Variants in CNOT2 observed in about 807,000 individuals in gnomAD.
CNOT2 encodes the protein CC chemokine receptor 4-negative regulator of transcription 2.
A neutral mutation model predicts 72.1 loss-of-function variants in CNOT2; 7 were observed. The observed-to-expected ratio is 0.10, with a 90% CI of 0.06 to 0.18. The LOEUF is 0.18. Among genes scored for constraint, CNOT2 ranks in the 10% least tolerant of loss-of-function variants. CNOT2 has a pLI of 1.00. For synonymous variants in CNOT2, 196 were observed against 225.6 expected (o/e 0.87, Z 1.17); for missense variants, 345 against 660.3 (o/e 0.52, Z 5.23).
chr12:70,339,014 A>ATGTG (rs143055295), intron 11 of CNOT2, among the ~76,000 whole-genome samples, 192 bp downstream of exon 11: 14,711 of 130,890 alleles, frequency 0.11, 807 homozygotes, highest in Non-Finnish European at 0.14. Context: ...TTGGCATTTT[A>ATGTG]TGTGTGTGTG....
intron 2 of CNOT2, among the ~76,000 whole-genome samples, chr12:70,296,493 G>T (rs1186189314): frequency 2.6e-5 from 4 of 152,046 alleles, no homozygotes; most frequent in Admixed American, 6.6e-5. Context: ...TCGATTTGAT[G>T]ATTTGTAATT....
At chr12:70,268,525 C>CA (rs1486920184) in intron 1 of CNOT2, among the ~76,000 whole-genome samples, 1 of 152,136 alleles carries the variant, frequency 6.6e-6, no homozygotes, top group Admixed American at 6.5e-5. Flanking sequence ...GGCTCACTTG[C>CA]AGCCTTGAAC....
At chr12:70,257,244 T>C (rs1958499774) in intron 1 of CNOT2, among the ~76,000 whole-genome samples, 1 of 152,100 alleles carries the variant, frequency 6.6e-6, no homozygotes, top group African/African-American at 2.4e-5. Context: ...AGAACAGGTA[T>C]AATATACTTA....
Position 70,338,818 on chromosome 12 carries a change from C to G in CNOT2, c.1174C>G (p.Pro392Ala), listed in dbSNP as rs1271903477. 6.2e-7 allele frequency: 1 copy of G among 1,611,402 alleles called. No individual in the cohort carries two copies. Among genetic ancestry groups the G allele is most frequent in the East Asian group, 2.2e-5 (1 of 44,822 alleles). ...AACATTAGGCCTCAATCTGAACTCTCCTGAGTAAGTTTTTTCTGTTTTTCC... is the reference window on the plus strand; with the variant it reads ...AACATTAGGCCTCAATCTGAACTCTGCTGAGTAAGTTTTTTCTGTTTTTCC... Reference protein sequence around the residue: ...LTTLGLNLNSPENLYPKFASP... With the variant: ...LTTLGLNLNSAENLYPKFASP... The change falls in exon 11 of 16, where the codon CCT (proline) becomes GCT (alanine). Residue 392 changes from proline to alanine, a missense_variant. Transcript: ENST00000229195.
chr12:70,335,524 A>C lies in CNOT2; in HGVS notation c.736A>C (p.Thr246Pro). The C allele has an allele frequency of 6.2e-7, 1 of 1,609,170 alleles. No homozygotes were observed. Among genetic ancestry groups the C allele is most frequent in the Non-Finnish European group, 8.5e-7 (1 of 1,175,842 alleles). The change falls in exon 8 of 16, where the codon ACT (threonine) becomes CCT (proline). Residue 246 changes from threonine to proline, a missense_variant. This residue lies in a region of CNOT2 where 128 missense variants were observed against 233.0 expected (regional missense o/e 0.55). Coordinates refer to ENST00000229195, the MANE Select transcript of CNOT2 (RefSeq NM_014515.7). ...CAGGAGGGAAGGAAGTGGTAACCCA[A>C]CTCCATTAATAAACCCCTTGGCTGG... Reference protein sequence around the residue: ...RNRREGSGNPTPLINPLAGRA... With the variant: ...RNRREGSGNPPPLINPLAGRA...
chr12:70,280,308 A>C (rs922667332), intron 2 of CNOT2, among the ~76,000 whole-genome samples: 2 of 152,176 alleles, frequency 1.3e-5, no homozygotes, highest in Non-Finnish European at 2.9e-5. Flanking sequence ...AACAAAAGAG[A>C]AAAGGGACAT....
At chr12:70,268,595 G>A (rs535654129) in intron 1 of CNOT2, among the ~76,000 whole-genome samples, 7 of 151,716 alleles carry the variant, frequency 4.6e-5, no homozygotes, top group Non-Finnish European at 8.8e-5. Context: ...TACAGGGTGC[G>A]TGTGCCATCA....
At chr12:70,249,621 C>T (rs1958041597) in intron 1 of CNOT2, among the ~76,000 whole-genome samples, 1 of 151,938 alleles carries the variant, frequency 6.6e-6, no homozygotes, top group Non-Finnish European at 1.5e-5. Flanking sequence ...GATCATCTTG[C>T]AGATCCTGGA....
intron 1 of CNOT2, among the ~76,000 whole-genome samples, chr12:70,270,161 T>C (rs1268472425): frequency 1.3e-5 from 2 of 152,196 alleles, no homozygotes; most frequent in Non-Finnish European, 1.5e-5. Flanking sequence ...TATTTTTAAA[T>C]ACTTGTTTCA....
chr12:70,300,182 T>G (rs1358140954), intron 2 of CNOT2, among the ~76,000 whole-genome samples: 3 of 152,190 alleles, frequency 2.0e-5, no homozygotes, highest in Non-Finnish European at 4.4e-5. Flanking sequence ...CTGTTCACTC[T>G]GATGGTCGTT....
At chr12:70,308,584 T>TCACA (rs58837695) in intron 2 of CNOT2, among the ~76,000 whole-genome samples, 26,722 of 132,874 alleles carry the variant, frequency 0.2, 2,767 homozygotes, top group East Asian at 0.47. Flanking sequence ...TCTCTCTCTC[T>TCACA]CACACACACA....
chr12:70,275,477 G>A (rs1417288385), intron 1 of CNOT2, among the ~76,000 whole-genome samples: 2 of 152,052 alleles, frequency 1.3e-5, no homozygotes, highest in Non-Finnish European at 2.9e-5. Flanking sequence ...TGAGCTGGGT[G>A]TACTACGTTT....
intron 1 of CNOT2, among the ~76,000 whole-genome samples, chr12:70,266,356 C>T (rs1404478177): frequency 1.3e-5 from 2 of 152,162 alleles, no homozygotes; most frequent in Non-Finnish European, 2.9e-5. Context: ...CTCCTGACCT[C>T]AGGTGATCCG....
At chr12:70,326,454 CT>C (rs3837458) in intron 4 of CNOT2, among the ~76,000 whole-genome samples, 1 of 148,676 alleles carries the variant, frequency 6.7e-6, no homozygotes, top group Non-Finnish European at 1.5e-5. Context: ...TCCCATTTTT[CT>C]TTTTTTTTCT....
At chr12:70,329,850 A>C (rs891703353) in intron 5 of CNOT2, among the ~76,000 whole-genome samples, 2 of 152,014 alleles carry the variant, frequency 1.3e-5, no homozygotes, top group Non-Finnish European at 2.9e-5. Flanking sequence ...TCCTCAAAGG[A>C]ATATGTGCAA....
Position 70,354,008 on chromosome 12 carries a change from C to T in CNOT2, c.*93C>T, listed in dbSNP as rs903357319. ...ACATAACTGCAGAACTGATGTGGCT[C>T]AGGCACCCTGGTTTTAATTCCTTGA... On this transcript the variant is annotated 3_prime_UTR_variant, in exon 16 of 16. Coordinates refer to ENST00000229195, the MANE Select transcript of CNOT2 (RefSeq NM_014515.7). 1.1e-4 allele frequency: 159 copies of T among 1,487,520 alleles called. No homozygotes were observed. The highest frequency in any genetic ancestry group is 1.3e-4 in the Non-Finnish European group (144 of 1,121,574). The allele number at this position is 1,487,520 out of a possible 1,614,324, so 92.1% of individuals were successfully genotyped here. A position where few individuals can be genotyped will look rare whatever the true frequency, so the allele number is the denominator to read the frequency against.
At chr12:70,296,757 G>GC (rs141226711) in intron 2 of CNOT2, among the ~76,000 whole-genome samples, 9,559 of 138,246 alleles carry the variant, frequency 0.069, 412 homozygotes, top group Non-Finnish European at 0.095. Context: ...CTTTATTTAA[G>GC]CCCCCCCCCC....
At chr12:70,243,680 A>AG (rs1957690283) in intron 1 of CNOT2, 200 bp downstream of exon 1, 1 of 9,318 alleles carries the variant, frequency 1.1e-4, no homozygotes, top group African/African-American at 4.1e-4. Flanking sequence ...GCGGGCGGGG[A>AG]GGGGGGTGGC....
chr12:70,309,179 G>A (rs1021911265), intron 2 of CNOT2, among the ~76,000 whole-genome samples: 3 of 152,030 alleles, frequency 2.0e-5, no homozygotes, highest in Non-Finnish European at 4.4e-5. Context: ...AAATAACAGA[G>A]TTACAGAATA....
Sources: allele counts gnomAD v4.1 joint callset (sites outside exome capture counted in the v4.1 genomes callset), GRCh38; gene constraint gnomAD v4.1.1; regional missense constraint gnomAD v4.1.1; transcripts MANE v1.5; gene names NCBI Gene and HGNC (gene_info 2026-07-23, HGNC 2026-07-21).